The following MAP3K13 variants were observed in gnomAD, a reference collection of about 807,000 sequenced individuals.
MAP3K13 encodes the protein leucine zipper-bearing kinase.
MAP3K13 carries 52 observed loss-of-function variants against 104.0 expected under a neutral mutation model. The ratio of observed to expected loss-of-function variants is 0.50; its 90% CI spans 0.40 to 0.63. MAP3K13 has a LOEUF of 0.63. Among genes scored for constraint, MAP3K13 ranks in the 20% least tolerant of loss-of-function variants. The pLI, the probability that MAP3K13 is intolerant of heterozygous loss-of-function variation, is 0.00. For synonymous variants in MAP3K13, 394 were observed against 442.2 expected (o/e 0.89, Z 1.37); for missense variants, 914 against 1,218.5 (o/e 0.75, Z 3.72).
rs1040153413 is a variant in MAP3K13 at position 185,379,951 on chromosome 3, C to T, written c.-86+16583C>T. 1.1e-4 allele frequency among the ~76,000 whole-genome samples: 16 copies of T among 152,062 alleles called. 1 individual carries two copies. The highest frequency in any genetic ancestry group is 2.7e-4 in the African/African-American group (11 of 41,402). Reference sequence around the variant, plus strand: ...CTGTAATCCAAGCACTTTGGGGGGCCGAGGCGGGTGGATCACCTGAGGTCA... The same window carrying T: ...CTGTAATCCAAGCACTTTGGGGGGCTGAGGCGGGTGGATCACCTGAGGTCA... On this transcript the variant is annotated intron_variant, in intron 1 of 13. Coordinates refer to ENST00000265026, the MANE Select transcript of MAP3K13 (RefSeq NM_004721.5).
intron 2 of MAP3K13, among the ~76,000 whole-genome samples, chr3:185,325,070 C>T (rs1321160881): frequency 6.6e-6 from 1 of 152,164 alleles, no homozygotes; most frequent in Non-Finnish European, 1.5e-5. Flanking sequence ...TCAATCTTGA[C>T]TGTTCAATGT....
At chr3:185,312,813 G>A (rs747440426) in intron 2 of MAP3K13, among the ~76,000 whole-genome samples, 1 of 152,024 alleles carries the variant, frequency 6.6e-6, no homozygotes, top group African/African-American at 2.4e-5. Flanking sequence ...TTATTAGAAG[G>A]CCTATCCCCT....
At chr3:185,449,793 T>G (rs1226203038) in intron 5 of MAP3K13, 107 bp from the exon 6 acceptor site, 1 of 983,454 alleles carries the variant, frequency 1.0e-6, no homozygotes, top group Non-Finnish European at 1.4e-6. Context: ...AGTATTAGAA[T>G]TTTAAAACTG....
At chr3:185,323,309 C>T (rs931368089) in intron 2 of MAP3K13, among the ~76,000 whole-genome samples, 17 of 150,374 alleles carry the variant, frequency 1.1e-4, no homozygotes, top group Middle Eastern at 3.6e-3. Flanking sequence ...TCTAATCCAG[C>T]GTACCACATT....
intron 2 of MAP3K13, among the ~76,000 whole-genome samples, chr3:185,340,226 G>A (rs73052865): frequency 0.014 from 2,169 of 152,160 alleles, 39 homozygotes; most frequent in African/African-American, 0.045. Flanking sequence ...CAAAAGGTGT[G>A]GAATAAAGTA....
chr3:185,378,692 C>T (rs573534959), intron 1 of MAP3K13, among the ~76,000 whole-genome samples: 5 of 152,202 alleles, frequency 3.3e-5, no homozygotes, highest in Admixed American at 2.0e-4. Context: ...ACTGAAGGAA[C>T]AGACAGGAGA....
chr3:185,470,051 G>A (rs1248363366), intron 10 of MAP3K13, among the ~76,000 whole-genome samples: 2 of 152,204 alleles, frequency 1.3e-5, no homozygotes, highest in Non-Finnish European at 2.9e-5. Context: ...GAAGGACAAG[G>A]AGGGGGAACC....
intron 12 of MAP3K13, 39 bp downstream of exon 12, chr3:185,477,435 T>TG (rs746817072): frequency 6.6e-7 from 1 of 1,521,476 alleles, no homozygotes; most frequent in South Asian, 1.1e-5. Context: ...TTTAGTGGAA[T>TG]GGGGAAAAAA....
At chr3:185,416,980 TTAA>T (rs1321472846) in intron 1 of MAP3K13, among the ~76,000 whole-genome samples, 1 of 152,050 alleles carries the variant, frequency 6.6e-6, no homozygotes, top group Non-Finnish European at 1.5e-5. Flanking sequence ...AATTTTGGGT[TTAA>T]TAATAATTTT....
At chr3:185,437,727 T>A in intron 3 of MAP3K13, 97 bp downstream of exon 3, 1 of 1,223,942 alleles carries the variant, frequency 8.2e-7, no homozygotes, top group Non-Finnish European at 1.1e-6. Flanking sequence ...TCAAAAGCAT[T>A]CTCTAGACTT....
At chr3:185,384,258 C>T (rs1711551210) in intron 1 of MAP3K13, among the ~76,000 whole-genome samples, 3 of 151,846 alleles carry the variant, frequency 2.0e-5, no homozygotes, top group Admixed American at 1.3e-4. Context: ...TCTACCTCTG[C>T]TGCAAATGAC....
intron 2 of MAP3K13, among the ~76,000 whole-genome samples, chr3:185,432,686 C>T (rs1714815796): frequency 6.6e-6 from 1 of 152,092 alleles, no homozygotes; most frequent in African/African-American, 2.4e-5. Flanking sequence ...GGGCGATTCA[C>T]CCAGCCCATA....
intron 1 of MAP3K13, among the ~76,000 whole-genome samples, chr3:185,381,525 G>A (rs1355585754): frequency 1.3e-5 from 2 of 152,158 alleles, no homozygotes; most frequent in Non-Finnish European, 2.9e-5. Flanking sequence ...AGCTGGGGTC[G>A]AACAAGATGA....
At chr3:185,292,950 C>T in intron 2 of MAP3K13, 3 of 983,128 alleles carry the variant, frequency 3.1e-6, no homozygotes, top group Non-Finnish European at 3.6e-6. Flanking sequence ...CATGAAAGAA[C>T]ATAGAATATT....
intron 2 of MAP3K13, among the ~76,000 whole-genome samples, chr3:185,326,297 C>T (rs994909050): frequency 1.6e-4 from 24 of 152,146 alleles, no homozygotes; most frequent in African/African-American, 5.3e-4. Context: ...CTAGGATCAG[C>T]TCAAGCCCTT....
intron 2 of MAP3K13, among the ~76,000 whole-genome samples, chr3:185,336,474 G>A (rs559004772): frequency 1.4e-4 from 21 of 151,148 alleles, no homozygotes; most frequent in East Asian, 7.7e-4. Flanking sequence ...CATAGGAGGC[G>A]GAGGCTGCAG....
At chr3:185,379,177 C>T (rs1235700531) in intron 1 of MAP3K13, among the ~76,000 whole-genome samples, 2 of 152,216 alleles carry the variant, frequency 1.3e-5, no homozygotes, top group East Asian at 1.9e-4. Context: ...CCAAGGCAGG[C>T]GTCCCTGCGG....
intron 7 of MAP3K13, among the ~76,000 whole-genome samples, chr3:185,455,242 ATAT>A (rs1360040777): frequency 6.6e-5 from 4 of 60,236 alleles, no homozygotes; most frequent in African/African-American, 1.3e-4. Flanking sequence ...TGAGATATAT[ATAT>A]GATATATATG....
chr3:185,407,323 C>T (rs953053135), intron 1 of MAP3K13, among the ~76,000 whole-genome samples: 9 of 152,124 alleles, frequency 5.9e-5, no homozygotes, highest in African/African-American at 1.9e-4. Context: ...AAACTCTTAC[C>T]TCATTTTGCT....
Sources: gnomAD v4.1 joint callset for allele counts (sites outside exome capture counted in the v4.1 genomes callset) on GRCh38, gnomAD v4.1.1 for gene constraint, MANE v1.5 for transcripts, NCBI Gene and HGNC (gene_info 2026-07-23, HGNC 2026-07-21) for gene names.